THRB: variants seen among roughly 807,000 people sequenced by gnomAD.
THRB encodes the protein thyroid hormone receptor beta, also known as nuclear receptor subfamily 1 group A member 2.
THRB carries 12 observed loss-of-function variants against 47.8 expected under a neutral mutation model. That is an observed-to-expected ratio of 0.25 (90% CI 0.16 to 0.41). The LOEUF (loss-of-function observed/expected upper bound fraction) is 0.41. Ranked by LOEUF, THRB falls within the 10% of genes least tolerant of loss-of-function variation. The probability of loss-of-function intolerance (pLI) is 1.00; values close to 1 mark genes in which losing one functional copy is unlikely to be tolerated. For synonymous variants in THRB, 218 were observed against 212.2 expected, an observed-to-expected ratio of 1.03 and a Z score of -0.24; for missense variants, 348 against 589.2, an observed-to-expected ratio of 0.59 and a Z score of 4.24.
At chr3:24,465,626 A>T (rs1262047263) in intron 1 of THRB, among the ~76,000 whole-genome samples, 1 of 151,652 alleles carries the variant, frequency 6.6e-6, no homozygotes, top group East Asian at 1.9e-4. Context: ...CTGGTCTTGA[A>T]CCCCTGACCT....
rs188294537 is a variant in THRB, at chr3:24,131,022, C to T, written c.885+2294G>A. On this transcript the variant is annotated intron_variant, in intron 9 of 10. Transcript: ENST00000646209. Reference sequence around the variant, plus strand: ...TTGGTACAGTGACAGGTGCTGGTAACGATCTGCTTCTTTTGGTGCCGATCA... The same window carrying T: ...TTGGTACAGTGACAGGTGCTGGTAATGATCTGCTTCTTTTGGTGCCGATCA... Among the ~76,000 whole-genome samples the T allele has an allele frequency of 8.6e-5, 13 of 152,036 alleles. No homozygotes were observed. The East Asian group carries it at 1.9e-3, about 23-fold the overall frequency.
At chr3:24,216,743 T>A (rs185610230) in intron 4 of THRB, among the ~76,000 whole-genome samples, 1 of 152,332 alleles carries the variant, frequency 6.6e-6, no homozygotes, top group Non-Finnish European at 1.5e-5. Context: ...AAATGTTAAA[T>A]TGTATTAGAA....
chr3:24,445,466 A>G (rs143940755), intron 1 of THRB, among the ~76,000 whole-genome samples: 77 of 152,310 alleles, frequency 5.1e-4, no homozygotes, highest in African/African-American at 1.8e-3. Context: ...AACTGGAAAA[A>G]TAATTTCCAG....
At chr3:24,441,055 G>A (rs2071478774) in intron 1 of THRB, among the ~76,000 whole-genome samples, 1 of 152,122 alleles carries the variant, frequency 6.6e-6, no homozygotes, top group Non-Finnish European at 1.5e-5. Context: ...GGTTGTTGGT[G>A]GAGTTCAGTT....
chr3:24,413,654 G>T (rs1174329782), intron 1 of THRB, among the ~76,000 whole-genome samples: 3 of 151,396 alleles, frequency 2.0e-5, no homozygotes, highest in Admixed American at 1.3e-4. Flanking sequence ...TGCCATGTTG[G>T]TGTGCTGCAC....
At chr3:24,146,564 T>C (rs750362996) in intron 7 of THRB, 111 bp downstream of exon 7, 45 of 1,163,162 alleles carry the variant, frequency 3.9e-5, no homozygotes, top group Non-Finnish European at 5.8e-5. Flanking sequence ...AGGTATTCCC[T>C]TCTCTGTCTT....
At chr3:24,140,024 T>TA (rs1170840746) in intron 8 of THRB, among the ~76,000 whole-genome samples, 1 of 152,226 alleles carries the variant, frequency 6.6e-6, no homozygotes, top group Non-Finnish European at 1.5e-5. Flanking sequence ...TGGTACATGA[T>TA]ACCTTTCAGT....
At chr3:24,205,469 C>G (rs1252590476) in intron 4 of THRB, among the ~76,000 whole-genome samples, 1 of 152,160 alleles carries the variant, frequency 6.6e-6, no homozygotes, top group Non-Finnish European at 1.5e-5. Flanking sequence ...TTGTCACCAC[C>G]AGGCCTGCCC....
chr3:24,456,924 G>C (rs978659097), intron 1 of THRB, among the ~76,000 whole-genome samples: 1 of 152,010 alleles, frequency 6.6e-6, no homozygotes, highest in African/African-American at 2.4e-5. Flanking sequence ...AAAAAGTTTA[G>C]GGGAAAAGAG....
intron 2 of THRB, among the ~76,000 whole-genome samples, chr3:24,323,392 T>C (rs898550614): frequency 9.9e-5 from 15 of 152,204 alleles, no homozygotes; most frequent in Non-Finnish European, 2.2e-4. Context: ...ACAATACATC[T>C]AGCTATGTGG....
chr3:24,238,925 C>T (rs548934847), intron 3 of THRB, among the ~76,000 whole-genome samples: 250 of 151,804 alleles, frequency 1.6e-3, no homozygotes, highest in Admixed American at 3.7e-3. Flanking sequence ...ACTTTGTCTC[C>T]ATTCTCACGC....
intron 3 of THRB, among the ~76,000 whole-genome samples, chr3:24,241,216 C>A (rs905875): frequency 0.68 from 102,783 of 151,990 alleles, 34,917 homozygotes; most frequent in East Asian, 0.84. Context: ...CACAACCACA[C>A]AGGATGCAGA....
rs2030879983 is a variant in THRB at position 24,117,496 on chromosome 3, C to T, written c.*5388G>A. 6.6e-6 allele frequency: 1 copy of T among 152,210 alleles called. No individual in the cohort carries two copies. Among genetic ancestry groups the T allele is most frequent in the Admixed American group, 6.6e-5 (1 of 15,266 alleles). 9.4% of individuals were successfully genotyped at this position (152,210 alleles called of 1,614,324 possible). On this transcript the variant is annotated 3_prime_UTR_variant, in exon 11 of 11. Coordinates refer to ENST00000646209, the MANE Select transcript of THRB (RefSeq NM_001354712.2). ...CCACAGTGATTGGCTCAGGAATGGG[C>T]ACATGACTGAACTTGGGCCAGTGAG...
chr3:24,284,714 T>G (rs1387816376), intron 3 of THRB, among the ~76,000 whole-genome samples: 1 of 149,104 alleles, frequency 6.7e-6, no homozygotes, highest in East Asian at 1.9e-4. Flanking sequence ...GAATCTACAA[T>G]GAACTCAAAC....
chr3:24,134,866 A>G (rs2034412396), intron 8 of THRB, among the ~76,000 whole-genome samples: 1 of 152,014 alleles, frequency 6.6e-6, no homozygotes, highest in African/African-American at 2.4e-5. Flanking sequence ...GGAAAGGGGG[A>G]TGGGAATGAG....
chr3:24,162,805 C>A (rs1180419252), intron 5 of THRB, among the ~76,000 whole-genome samples: 1 of 151,596 alleles, frequency 6.6e-6, no homozygotes, highest in Non-Finnish European at 1.5e-5. Context: ...CTTTATTTCA[C>A]CAGTTTGTAC....
chr3:24,164,232 C>A (rs867130024), intron 5 of THRB, among the ~76,000 whole-genome samples: 3 of 152,066 alleles, frequency 2.0e-5, no homozygotes, highest in African/African-American at 7.2e-5. Context: ...TTCAGTAATA[C>A]AAGAAATGTT....
chr3:24,371,692 A>T (rs906996824), intron 1 of THRB, among the ~76,000 whole-genome samples: 3 of 152,148 alleles, frequency 2.0e-5, no homozygotes, highest in African/African-American at 4.8e-5. Flanking sequence ...GAATACTAGC[A>T]GAAGCATCTC....
intron 2 of THRB, among the ~76,000 whole-genome samples, chr3:24,313,891 A>G (rs1245829135): frequency 6.6e-6 from 1 of 152,184 alleles, no homozygotes; most frequent in Non-Finnish European, 1.5e-5. Context: ...GGAATTAGAC[A>G]TTTATTGTAG....
Sources: gnomAD v4.1 joint callset for allele counts (sites outside exome capture counted in the v4.1 genomes callset) on GRCh38, gnomAD v4.1.1 for gene constraint, MANE v1.5 for transcripts, NCBI Gene and HGNC (gene_info 2026-07-23, HGNC 2026-07-21) for gene names.